ZC3H12B: variants seen among roughly 807,000 people sequenced by gnomAD.
ZC3H12B encodes the protein probable ribonuclease ZC3H12B.
A neutral mutation model predicts 43.9 loss-of-function variants in ZC3H12B; 7 were observed. That is an observed-to-expected ratio of 0.16 (90% CI 0.09 to 0.30). ZC3H12B has a LOEUF of 0.30. Ranked by LOEUF, ZC3H12B falls within the 10% of genes least tolerant of loss-of-function variation. The pLI, the probability that ZC3H12B is intolerant of heterozygous loss-of-function variation, is 1.00. For missense variants in ZC3H12B, 475 were observed against 670.2 expected, an observed-to-expected ratio of 0.71 and a Z score of 3.22; for synonymous variants, 222 against 241.7, an observed-to-expected ratio of 0.92 and a Z score of 0.76.
chrX:65,067,554 G>A, the ZC3H12B span, among the ~76,000 whole-genome samples: 254 of 111,260 alleles, frequency 2.3e-3, 3 homozygotes, highest in African/African-American at 7.8e-3. Context: ...TGTTGGTCTC[G>A]CTGGGAGCTG....
chrX:65,401,284 G>A (rs773834465), intron 3 of ZC3H12B, among the ~76,000 whole-genome samples: 1 of 111,450 alleles, frequency 9.0e-6, no homozygotes, highest in Non-Finnish European at 1.9e-5. Flanking sequence ...GGTGAGCACA[G>A]CAATTGTGAG....
chrX:65,321,774 T>A, the ZC3H12B span, among the ~76,000 whole-genome samples: 2 of 110,513 alleles, frequency 1.8e-5, no homozygotes, highest in African/African-American at 6.6e-5. Flanking sequence ...CCATTATCCT[T>A]AAAAACTAAT....
chrX:65,312,136 G>C, the ZC3H12B span, among the ~76,000 whole-genome samples: 2 of 111,357 alleles, frequency 1.8e-5, no homozygotes, highest in Non-Finnish European at 3.8e-5. Context: ...TAGAACTTAA[G>C]GTATAATAAA....
At chrX:65,254,265 G>A in the ZC3H12B span, among the ~76,000 whole-genome samples, 12 of 112,490 alleles carry the variant, frequency 1.1e-4, no homozygotes, top group South Asian at 1.1e-3. Context: ...CTAGTATCCC[G>A]CCCCAGGTGA....
the ZC3H12B span, among the ~76,000 whole-genome samples, chrX:65,332,035 T>A: frequency 5.4e-5 from 6 of 111,311 alleles, no homozygotes; most frequent in African/African-American, 1.6e-4. Flanking sequence ...TTCTATCTCA[T>A]CCTGTGACTA....
chrX:65,245,529 G>T, the ZC3H12B span, among the ~76,000 whole-genome samples: 2 of 111,959 alleles, frequency 1.8e-5, no homozygotes, highest in African/African-American at 6.5e-5. Flanking sequence ...AGGCAAGGTT[G>T]GGTCTACATA....
chrX:65,501,935 G>T lies in ZC3H12B; in HGVS notation c.1237G>T (p.Gly413Cys). The T allele has an allele frequency of 5.0e-6, 6 of 1,211,076 alleles. No homozygotes were observed. The highest frequency in any genetic ancestry group is 4.3e-5 in the Admixed American group (2 of 45,993). Residue 413 changes from glycine to cysteine, a missense_variant, in exon 5 of 5, where the codon GGC becomes TGC. Around this residue, in one of 3 missense-constraint regions of ZC3H12B, gnomAD observed 289 missense variants for 359.9 expected, o/e 0.80. Coordinates refer to ENST00000338957, the Ensembl canonical transcript of ZC3H12B. The stretch of plus-strand genomic sequence containing the variant: ...GAGTGAAGGCACCCTGGCCAAGTGT[G>T]GCACAGGGATGTCTAGTGCCAAAGG...
At chrX:65,422,807 A>G (rs1473841948) in intron 3 of ZC3H12B, among the ~76,000 whole-genome samples, 1 of 109,039 alleles carries the variant, frequency 9.2e-6, no homozygotes, top group Non-Finnish European at 1.9e-5. Flanking sequence ...TTCCTGTGTT[A>G]GTTTTCTGAG....
intron 3 of ZC3H12B, among the ~76,000 whole-genome samples, chrX:65,448,987 A>AAGAAAGAAAGAAAGAAAG (rs1214912058): frequency 9.7e-6 from 1 of 103,115 alleles, no homozygotes; most frequent in Admixed American, 1.0e-4. Flanking sequence ...AAGAGAAAGA[A>AAGAAAGAAAGAAAGAAAG]AGAAAGAGAG....
chrX:65,162,259 C>T, the ZC3H12B span, among the ~76,000 whole-genome samples: 1 of 110,914 alleles, frequency 9.0e-6, no homozygotes, highest in South Asian at 3.8e-4. Flanking sequence ...AGTTGCTCTT[C>T]TCGAGGAGTA....
the ZC3H12B span, among the ~76,000 whole-genome samples, chrX:65,052,309 G>T: frequency 9.0e-6 from 1 of 111,277 alleles, no homozygotes; most frequent in African/African-American, 3.3e-5. Flanking sequence ...TTTATTCTTT[G>T]AGTTATAAGC....
At chrX:65,097,451 T>G in the ZC3H12B span, among the ~76,000 whole-genome samples, 2 of 111,985 alleles carry the variant, frequency 1.8e-5, no homozygotes, top group East Asian at 5.6e-4. Context: ...TGTTGGTTTT[T>G]CCCTTTCCTC....
the ZC3H12B span, among the ~76,000 whole-genome samples, chrX:65,340,433 A>G: frequency 9.0e-6 from 1 of 111,010 alleles, no homozygotes; most frequent in South Asian, 3.8e-4. Flanking sequence ...CCTATGAAAC[A>G]CTCTGGCTAG....
At chrX:65,332,549 G>C in the ZC3H12B span, among the ~76,000 whole-genome samples, 1 of 111,379 alleles carries the variant, frequency 9.0e-6, no homozygotes, top group African/African-American at 3.3e-5. Flanking sequence ...ATATGGGGTT[G>C]CTAGATGAGT....
At chrX:65,244,035 T>C in the ZC3H12B span, among the ~76,000 whole-genome samples, 3 of 110,995 alleles carry the variant, frequency 2.7e-5, no homozygotes, top group Admixed American at 2.9e-4. Context: ...AGTTAGAGGG[T>C]AAAAGACCTA....
chrX:65,238,319 T>G, the ZC3H12B span, among the ~76,000 whole-genome samples: 1 of 111,704 alleles, frequency 9.0e-6, no homozygotes, highest in East Asian at 2.8e-4. Flanking sequence ...TCTCATTCAG[T>G]CTTGGGAGGT....
the ZC3H12B span, among the ~76,000 whole-genome samples, chrX:65,036,456 T>A: frequency 1.8e-5 from 2 of 111,563 alleles, no homozygotes; most frequent in African/African-American, 6.5e-5. Flanking sequence ...CTAAAGATTT[T>A]TAAAAAGGAT....
chrX:65,340,433 AC>A, the ZC3H12B span, among the ~76,000 whole-genome samples: 1 of 111,010 alleles, frequency 9.0e-6, no homozygotes, highest in Admixed American at 9.5e-5. Flanking sequence ...CCTATGAAAC[AC>A]TCTGGCTAGG....
chrX:65,315,342 G>A, the ZC3H12B span, among the ~76,000 whole-genome samples: 3 of 111,855 alleles, frequency 2.7e-5, no homozygotes, highest in Admixed American at 1.9e-4. Context: ...AGAAGAATGG[G>A]AGAAGAAAAA....
Sources: gnomAD v4.1 joint callset for allele counts (sites outside exome capture counted in the v4.1 genomes callset) on GRCh38, gnomAD v4.1.1 for gene constraint, gnomAD v4.1.1 regional missense constraint, MANE v1.5 for transcripts, NCBI Gene and HGNC (gene_info 2026-07-23, HGNC 2026-07-21) for gene names.